The following ZNF473 variants were observed in gnomAD, a reference collection of about 807,000 sequenced individuals.
The protein encoded by ZNF473 is zinc finger protein 473.
A neutral mutation model predicts 11.1 loss-of-function variants in ZNF473; 4 were observed. The observed-to-expected ratio is 0.36, with a 90% CI of 0.18 to 0.82. The LOEUF (loss-of-function observed/expected upper bound fraction) is 0.82. Among genes scored for constraint, ZNF473 ranks in the 40% least tolerant of loss-of-function variants. ZNF473 has a pLI of 0.49. For missense variants in ZNF473, 854 were observed against 1,084.0 expected, an observed-to-expected ratio of 0.79 and a Z score of 2.98; for synonymous variants, 404 against 390.4, an observed-to-expected ratio of 1.03 and a Z score of -0.41.
At chr19:50,032,486 A>G (rs1600751844) in intron 2 of ZNF473, among the ~76,000 whole-genome samples, 1 of 152,020 alleles carries the variant, frequency 6.6e-6, no homozygotes, top group Admixed American at 6.6e-5. Context: ...GTCCCAAAAC[A>G]GCTATCAGGA....
At chr19:50,026,485 A>T (rs1272810525) in intron 1 of ZNF473, among the ~76,000 whole-genome samples, 3 of 148,306 alleles carry the variant, frequency 2.0e-5, no homozygotes, top group African/African-American at 7.4e-5. Context: ...CAGGAGCTGG[A>T]GGTTGCAGTG....
rs201590980 is a variant in ZNF473, at chr19:50,046,042, C to T, written c.1599C>T (p.His533=). Residue 533 remains histidine, a synonymous_variant, in exon 5 of 5, where the codon CAC becomes CAT. Coordinates refer to ENST00000270617, the MANE Select transcript of ZNF473 (RefSeq NM_015428.4). This position sits in a 1 kb window ranked among gnomAD's most constrained non-coding sequence, Gnocchi z 5.9. ...TTTGCGGCTCAACCCTGAAGTGCCACGAGAGTGTTCACGCCAGAGAAAAAC... is the reference window on the plus strand; with the variant it reads ...TTTGCGGCTCAACCCTGAAGTGCCATGAGAGTGTTCACGCCAGAGAAAAAC... ...RFICGSTLKC[H]ESVHAREKQG... 1.6e-4 allele frequency: 254 copies of T among 1,614,154 alleles called. No individual in the cohort carries two copies. Among genetic ancestry groups the T allele is most frequent in the Non-Finnish European group, 2.0e-4 (240 of 1,180,038 alleles).
chr19:50,042,052 CCTGGTG>C, intron 4 of ZNF473: 2 of 347,548 alleles, frequency 5.8e-6, no homozygotes, highest in South Asian at 4.6e-5. Context: ...ACAGGGTTAT[CCTGGTG>C]CCTCTCCACA....
intron 2 of ZNF473, among the ~76,000 whole-genome samples, chr19:50,038,878 A>G (rs1302612565): frequency 6.6e-6 from 1 of 152,226 alleles, no homozygotes. Context: ...CACTTAAAGC[A>G]AAAGCGTAAA....
At position 50,041,724 on chromosome 19, in the gene ZNF473, C is replaced by T. The variant is rs1978780931; in HGVS notation, c.137-6C>T. 1.9e-6 allele frequency: 3 copies of T among 1,601,924 alleles called. No homozygotes were observed. Among genetic ancestry groups the T allele is most frequent in the Non-Finnish European group, 1.7e-6 (2 of 1,175,426 alleles). ...GTTGGGTGACAATGCTTTTCTCTCCCTGCAGACCCCCCAAGACCCAACCTG... is the reference window on the plus strand; with the variant it reads ...GTTGGGTGACAATGCTTTTCTCTCCTTGCAGACCCCCCAAGACCCAACCTG... On this transcript the variant is annotated splice_polypyrimidine_tract_variant and splice_region_variant and intron_variant, in intron 3 of 4. Transcript: ENST00000270617.
At chr19:50,030,536 C>T (rs1429005628) in intron 1 of ZNF473, among the ~76,000 whole-genome samples, 2 of 152,176 alleles carry the variant, frequency 1.3e-5, no homozygotes, top group Admixed American at 1.3e-4. Flanking sequence ...TTTCGGAGGC[C>T]AATTTACCTG....
At chr19:50,037,279 G>T (rs1378962061) in intron 2 of ZNF473, among the ~76,000 whole-genome samples, 1 of 152,136 alleles carries the variant, frequency 6.6e-6, no homozygotes, top group East Asian at 1.9e-4. Flanking sequence ...AGCAGGAATT[G>T]GGGTCACAAG....
At chr19:50,036,382 T>C (rs60740879) in intron 2 of ZNF473, among the ~76,000 whole-genome samples, 7,122 of 142,436 alleles carry the variant, frequency 0.05, 578 homozygotes, top group African/African-American at 0.18. Context: ...GGCGCAATCC[T>C]GGCTCACTGC....
At chr19:50,033,499 C>T (rs57711730) in intron 2 of ZNF473, among the ~76,000 whole-genome samples, 6,334 of 152,134 alleles carry the variant, frequency 0.042, 420 homozygotes, top group African/African-American at 0.14. Context: ...TTGTTGTAAG[C>T]GGAAACAGGA....
intron 4 of ZNF473, chr19:50,042,277 T>C (rs1166702333): frequency 2.0e-5 from 3 of 152,642 alleles, no homozygotes; most frequent in African/African-American, 4.8e-5. Context: ...GCCTGAATGC[T>C]GCCAAGAGCA....
At chr19:50,028,460 G>A (rs2077299561) in intron 1 of ZNF473, among the ~76,000 whole-genome samples, 1 of 151,690 alleles carries the variant, frequency 6.6e-6, no homozygotes, top group Admixed American at 6.6e-5. Flanking sequence ...TCCTACCTCA[G>A]TCTCCCAAGT....
chr19:50,030,383 T>C (rs1281493285), intron 1 of ZNF473, among the ~76,000 whole-genome samples: 3 of 152,216 alleles, frequency 2.0e-5, no homozygotes, highest in Admixed American at 1.3e-4. Context: ...TGGCACATGC[T>C]TGTAGTCCCA....
rs909218269 is a variant in ZNF473 at position 50,039,378 on chromosome 19, C to T, written c.136+91C>T. 3.3e-6 allele frequency: 5 copies of T among 1,530,382 alleles called. No homozygotes were observed. Among genetic ancestry groups the T allele is most frequent in the Non-Finnish European group, 4.4e-6 (5 of 1,126,192 alleles). The allele number at this position is 1,530,382 out of a possible 1,614,324, so 94.8% of individuals were successfully genotyped here. ...CACCCACAGGGTGAAGTCCTGGCTC[C>T]TGGGCTCCTCAGAATCAGCATGACC... is the stretch of plus-strand genomic sequence containing the variant. On this transcript the variant is annotated intron_variant, in intron 3 of 4. Transcript: ENST00000270617. This position sits in a 1 kb window ranked among gnomAD's most constrained non-coding sequence, Gnocchi z 4.8.
Position 50,045,051 on chromosome 19 carries a change from A to G in ZNF473, c.608A>G (p.Gln203Arg). ...YSDHSQQDSVQEGEKPYQCSE... is the reference protein window; with the variant it reads ...YSDHSQQDSVREGEKPYQCSE... The stretch of plus-strand genomic sequence containing the variant: ...GACCACAGCCAGCAGGATTCTGTTC[A>G]GGAAGGGGAGAAACCATATCAATGT... Residue 203 changes from glutamine (Q) to arginine (R), a missense_variant, in exon 5 of 5, where the codon CAG becomes CGG. Gln to Arg is a conservative substitution (Grantham distance 43). Transcript: ENST00000270617. 1 of 1,614,200 alleles carries G rather than the reference A, an allele frequency of 6.2e-7. No individual in the cohort carries two copies. Among genetic ancestry groups the G allele is most frequent in the South Asian group, 1.1e-5 (1 of 91,082 alleles).
In ZNF473 at chr19:50,045,814, A is replaced by G; in HGVS notation, c.1371A>G (p.Arg457=). The G allele has an allele frequency of 6.2e-7, 1 of 1,613,922 alleles. No individual in the cohort carries two copies. Among genetic ancestry groups the G allele is most frequent in the Non-Finnish European group, 8.5e-7 (1 of 1,179,936 alleles). Residue 457 remains arginine (R), a synonymous_variant, in exon 5 of 5, where the codon AGA becomes AGG. Coordinates refer to ENST00000270617, the MANE Select transcript of ZNF473 (RefSeq NM_015428.4). ...NEHRRIHTGY[R]PHKCQECVRS... is the part of the protein sequence containing the mutation. ...ATCGGCGAATTCATACAGGCTACAG[A>G]CCCCACAAATGTCAGGAATGCGTCA...
At chr19:50,033,379 G>A (rs760086397) in intron 2 of ZNF473, among the ~76,000 whole-genome samples, 1 of 152,114 alleles carries the variant, frequency 6.6e-6, no homozygotes, top group Non-Finnish European at 1.5e-5. Flanking sequence ...GCCCTGAGTG[G>A]CAGCTGGGGC....
At chr19:50,030,301 A>G (rs566511524) in intron 1 of ZNF473, among the ~76,000 whole-genome samples, 15 of 152,206 alleles carry the variant, frequency 9.9e-5, no homozygotes, top group Non-Finnish European at 1.6e-4. Context: ...TGAGGTCAGG[A>G]GTTTGAGAAC....
chr19:50,029,339 G>A (rs1443243451), intron 1 of ZNF473, among the ~76,000 whole-genome samples: 5 of 152,278 alleles, frequency 3.3e-5, no homozygotes, highest in South Asian at 4.1e-4. Context: ...GTAGAGACGG[G>A]GTTTCACCGC....
intron 2 of ZNF473, among the ~76,000 whole-genome samples, chr19:50,036,844 T>G (rs1045286319): frequency 6.6e-6 from 1 of 152,218 alleles, no homozygotes; most frequent in African/African-American, 2.4e-5. Context: ...CTGTTGGCCT[T>G]GGACTTCCCA....
Sources: allele counts gnomAD v4.1 joint callset (sites outside exome capture counted in the v4.1 genomes callset), GRCh38; gene constraint gnomAD v4.1.1; non-coding constraint Gnocchi (gnomAD v3.1); transcripts MANE v1.5; gene names NCBI Gene and HGNC (gene_info 2026-07-23, HGNC 2026-07-21).